The following EYS variants were observed in gnomAD, a reference collection of about 807,000 sequenced individuals.
EYS encodes the protein protein eyes shut homolog.
Under a neutral mutation model 282.1 loss-of-function variants are expected in EYS, and 250 were observed. The ratio of observed to expected loss-of-function variants is 0.89; its 90% CI spans 0.80 to 0.98. EYS has a LOEUF of 0.98. Ranked by LOEUF, EYS falls within the 50% of genes least tolerant of loss-of-function variation. The pLI is 0.00. For synonymous variants in EYS, 1,355 were observed against 1,282.9 expected (o/e 1.06, Z -1.20); for missense variants, 4,016 against 3,709.0 (o/e 1.08, Z -2.15).
Position 63,810,315 on chromosome 6 carries a change from C to G in EYS, c.7229-3943G>C, listed in dbSNP as rs183278657. Among the ~76,000 whole-genome samples the G allele has an allele frequency of 2.2e-4, 29 of 132,602 alleles. 1 individual carries two copies. The highest frequency in any genetic ancestry group is 5.9e-4 in the Admixed American group (8 of 13,474). 87.0% of individuals were successfully genotyped at this position (132,602 alleles called of 152,430 possible). A position where few individuals can be genotyped will look rare whatever the true frequency, so the allele number is the denominator to read the frequency against. On this transcript the variant is annotated intron_variant, in intron 36 of 42. Transcript: ENST00000503581. ...CAAAGACAAAAACAACCCCCCCCCCCAAAAAAACCTGCGGTTAATCTTTTA... is the reference window on the plus strand; with the variant it reads ...CAAAGACAAAAACAACCCCCCCCCCGAAAAAAACCTGCGGTTAATCTTTTA...
chr6:64,815,325 T>A (rs1470758688), intron 21 of EYS: 1 of 320,010 alleles, frequency 3.1e-6, no homozygotes, highest in African/African-American at 2.2e-5. Context: ...CCACAGGGAG[T>A]GGCATGGAAA....
At chr6:65,421,283 T>C (rs1470418637) in intron 5 of EYS, among the ~76,000 whole-genome samples, 1 of 151,858 alleles carries the variant, frequency 6.6e-6, no homozygotes, top group Non-Finnish European at 1.5e-5. Context: ...TGCACTATTA[T>C]GTTATGGAAG....
intron 31 of EYS, among the ~76,000 whole-genome samples, chr6:64,213,058 A>AG (rs1209476329): frequency 6.6e-6 from 1 of 152,114 alleles, no homozygotes; most frequent in East Asian, 1.9e-4. Context: ...GGATACATAG[A>AG]GGGGAAAAAC....
chr6:63,973,670 C>T (rs144157438), intron 35 of EYS, among the ~76,000 whole-genome samples: 1 of 152,290 alleles, frequency 6.6e-6, no homozygotes, highest in East Asian at 1.9e-4. Flanking sequence ...TATCCCAGCA[C>T]AGACAACACT....
At chr6:65,008,746 G>T (rs1771771032) in intron 13 of EYS, among the ~76,000 whole-genome samples, 1 of 152,150 alleles carries the variant, frequency 6.6e-6, no homozygotes. Context: ...GAGGGTGCCT[G>T]GGGCAAGCGC....
At chr6:65,578,932 A>G (rs1582478295) in intron 2 of EYS, among the ~76,000 whole-genome samples, 1 of 152,144 alleles carries the variant, frequency 6.6e-6, no homozygotes, top group East Asian at 1.9e-4. Context: ...ATGGTCACAC[A>G]GTATTTAATT....
chr6:65,403,752 C>T (rs1020470945), intron 6 of EYS, among the ~76,000 whole-genome samples: 1 of 151,694 alleles, frequency 6.6e-6, no homozygotes, highest in Non-Finnish European at 1.5e-5. Context: ...AATTAAAGTA[C>T]TTCTATGAAT....
chr6:64,010,751 G>A lies in EYS; in HGVS notation c.6726-11568C>T, dbSNP rs184178678. On this transcript the variant is annotated intron_variant, in intron 33 of 42. Coordinates refer to ENST00000503581, the MANE Select transcript of EYS (RefSeq NM_001142800.2). Reference sequence around the variant, plus strand: ...GAATGAGAAACGTACCTGATCTTTTGACACTGAAACCGGAATCTTCGCTAA... The same window carrying A: ...GAATGAGAAACGTACCTGATCTTTTAACACTGAAACCGGAATCTTCGCTAA... Among the ~76,000 whole-genome samples, 5 of 152,164 alleles carry A rather than the reference G, an allele frequency of 3.3e-5. No individual in the cohort carries two copies. In the East Asian group the frequency reaches 9.7e-4, roughly 29 times the overall value.
intron 1 of EYS, among the ~76,000 whole-genome samples, chr6:65,669,202 AC>A (rs1768298455): frequency 6.6e-6 from 1 of 151,986 alleles, no homozygotes; most frequent in Non-Finnish European, 1.5e-5. Context: ...CTCTTGAGGT[AC>A]CTGCTTCTAA....
At chr6:64,966,340 T>G (rs1169883129) in intron 14 of EYS, among the ~76,000 whole-genome samples, 4 of 152,134 alleles carry the variant, frequency 2.6e-5, no homozygotes, top group African/African-American at 9.7e-5. Context: ...GGGGGGGGTA[T>G]TGTTTAACTT....
intron 31 of EYS, among the ~76,000 whole-genome samples, chr6:64,150,335 G>A (rs927475707): frequency 3.3e-5 from 5 of 152,194 alleles, no homozygotes; most frequent in African/African-American, 1.2e-4. Context: ...AGCAGATGGG[G>A]ATCCTTATGA....
chr6:64,219,252 A>AT (rs1766019413), intron 31 of EYS, among the ~76,000 whole-genome samples: 1 of 152,198 alleles, frequency 6.6e-6, no homozygotes, highest in African/African-American at 2.4e-5. Flanking sequence ...ACAGTTTCAA[A>AT]TTGAATATAA....
chr6:64,305,632 A>G (rs1769412491), intron 30 of EYS, among the ~76,000 whole-genome samples: 1 of 152,192 alleles, frequency 6.6e-6, no homozygotes, highest in Non-Finnish European at 1.5e-5. Context: ...TGGGGGAAGA[A>G]TGGTCTGGTC....
chr6:64,085,280 G>A (rs1368481773), intron 31 of EYS, among the ~76,000 whole-genome samples: 1 of 150,594 alleles, frequency 6.6e-6, no homozygotes, highest in East Asian at 2.0e-4. Flanking sequence ...CCAGCCCTCT[G>A]TCTCTTTCTC....
chr6:64,151,313 A>ATG (rs1210011800), intron 31 of EYS, among the ~76,000 whole-genome samples: 1 of 50,948 alleles, frequency 2.0e-5, no homozygotes, highest in South Asian at 6.7e-4. Flanking sequence ...GTGTGTGTGT[A>ATG]TATTTATATA....
chr6:64,536,801 AAT>A (rs995106960), intron 26 of EYS, among the ~76,000 whole-genome samples: 4 of 150,644 alleles, frequency 2.7e-5, no homozygotes, highest in Non-Finnish European at 4.4e-5. Flanking sequence ...TTATTAACAA[AAT>A]ATATATATAT....
chr6:63,810,295 A>C, intron 36 of EYS, among the ~76,000 whole-genome samples: 3 of 143,618 alleles, frequency 2.1e-5, no homozygotes, highest in South Asian at 2.3e-4. Context: ...CAAAACAAAG[A>C]CAAAAACAAC....
intron 1 of EYS, among the ~76,000 whole-genome samples, chr6:65,705,840 G>T (rs182736310): frequency 3.0e-4 from 46 of 152,042 alleles, no homozygotes; most frequent in South Asian, 1.7e-3. Flanking sequence ...TAAAAACTGA[G>T]AATTATTTTT....
In EYS at chr6:64,589,916, TAAA is replaced by T. The variant is rs1766346831; in HGVS notation, c.5644+304_5644+306del. 2.6e-5 allele frequency among the ~76,000 whole-genome samples: 4 copies of T among 152,068 alleles called. No homozygotes were observed. The East Asian group carries it at 7.7e-4, about 29-fold the overall frequency. On this transcript the variant is annotated intron_variant, in intron 26 of 42. Transcript: ENST00000503581. ...AAGCTATTTCAAGAAATGAGAATAA[TAAA>T]AGTTATTTCTAAACTTTGAGAGATC...
Sources: gnomAD v4.1 joint callset for allele counts (sites outside exome capture counted in the v4.1 genomes callset) on GRCh38, gnomAD v4.1.1 for gene constraint, MANE v1.5 for transcripts, NCBI Gene and HGNC (gene_info 2026-07-23, HGNC 2026-07-21) for gene names.